Variants in RBFOX1 observed in about 807,000 individuals in gnomAD.
RBFOX1 encodes the protein RNA binding fox-1 homolog 1.
RBFOX1 carries 8 observed loss-of-function variants against 57.7 expected under a neutral mutation model. That is an observed-to-expected ratio of 0.14 (90% CI 0.08 to 0.25). The LOEUF (loss-of-function observed/expected upper bound fraction) is 0.25, where lower values mean the gene tolerates loss of function less well. Ranked by LOEUF, RBFOX1 falls within the 10% of genes least tolerant of loss-of-function variation. RBFOX1 has a pLI of 1.00. For synonymous variants in RBFOX1, 326 were observed against 222.4 expected (o/e 1.47, Z -4.15); for missense variants, 611 against 548.5 (o/e 1.11, Z -1.14).
At chr16:6,807,910 G>GTATATATATA (rs2087295374) in intron 3 of RBFOX1, among the ~76,000 whole-genome samples, 2 of 146,674 alleles carry the variant, frequency 1.4e-5, no homozygotes, top group African/African-American at 5.3e-5. Context: ...GTGTGTGTGT[G>GTATATATATA]TGTGTATATA....
At chr16:6,614,227 T>A (rs1304304925) in intron 2 of RBFOX1, among the ~76,000 whole-genome samples, 2 of 152,214 alleles carry the variant, frequency 1.3e-5, no homozygotes, top group African/African-American at 2.4e-5. Flanking sequence ...TCATACTGCC[T>A]GCTGCAAGTA....
At chr16:6,411,989 G>T (rs1477653576) in intron 2 of RBFOX1, among the ~76,000 whole-genome samples, 3 of 152,024 alleles carry the variant, frequency 2.0e-5, no homozygotes, top group African/African-American at 7.2e-5. Context: ...AAAATTAGCT[G>T]GGTGTAGTGG....
At chr16:5,276,398 C>G (rs2151136158) in intron 1 of RBFOX1, among the ~76,000 whole-genome samples, 2 of 152,260 alleles carry the variant, frequency 1.3e-5, no homozygotes, top group Middle Eastern at 3.4e-3. Flanking sequence ...AGAAGATACA[C>G]AAATGGCCAA....
intron 4 of RBFOX1, among the ~76,000 whole-genome samples, chr16:7,517,943 G>C (rs1408385272): frequency 2.0e-5 from 3 of 152,034 alleles, no homozygotes; most frequent in Non-Finnish European, 2.9e-5. Context: ...TTCTGCATCT[G>C]TAAAATGGGG....
intron 1 of RBFOX1, among the ~76,000 whole-genome samples, chr16:5,420,218 C>G (rs920417372): frequency 1.3e-5 from 2 of 152,274 alleles, no homozygotes; most frequent in South Asian, 2.1e-4. Context: ...TAGATTTAAA[C>G]AAACAAGGTG....
intron 3 of RBFOX1, among the ~76,000 whole-genome samples, chr16:6,825,367 A>C (rs1603629347): frequency 6.6e-6 from 1 of 151,990 alleles, no homozygotes; most frequent in South Asian, 2.1e-4. Flanking sequence ...AGATATTTTT[A>C]AATACACACT....
intron 3 of RBFOX1, among the ~76,000 whole-genome samples, chr16:5,694,673 A>G (rs1330778524): frequency 1.3e-5 from 2 of 151,936 alleles, no homozygotes; most frequent in Non-Finnish European, 2.9e-5. Context: ...GTTTCAAATG[A>G]TACCTCTTAG....
chr16:7,031,118 A>G (rs1164054604), intron 3 of RBFOX1, among the ~76,000 whole-genome samples: 1 of 152,172 alleles, frequency 6.6e-6, no homozygotes, highest in African/African-American at 2.4e-5. Context: ...GGTGGAGAGG[A>G]AGCAACTGCA....
chr16:7,196,356 C>G (rs1165131848), intron 4 of RBFOX1, among the ~76,000 whole-genome samples: 2 of 152,184 alleles, frequency 1.3e-5, no homozygotes, highest in African/African-American at 2.4e-5. Context: ...CCTACCCACC[C>G]TGCTTCACTC....
At chr16:6,528,515 G>A (rs2096613086) in intron 2 of RBFOX1, among the ~76,000 whole-genome samples, 1 of 152,214 alleles carries the variant, frequency 6.6e-6, no homozygotes, top group Admixed American at 6.5e-5. Flanking sequence ...GAACAGCTGG[G>A]CAAAGGAGGT....
intron 1 of RBFOX1, among the ~76,000 whole-genome samples, chr16:5,407,291 C>T (rs934231010): frequency 2.6e-5 from 4 of 152,138 alleles, no homozygotes; most frequent in African/African-American, 7.2e-5. Flanking sequence ...CTGAGGATTA[C>T]AATTCAAGAT....
At chr16:6,234,955 T>G (rs1230811320) in intron 1 of RBFOX1, among the ~76,000 whole-genome samples, 2 of 152,190 alleles carry the variant, frequency 1.3e-5, no homozygotes, top group Non-Finnish European at 2.9e-5. Context: ...GGGTAAATTG[T>G]GCATAGGAGG....
chr16:6,893,285 A>C (rs1056881030), intron 3 of RBFOX1, among the ~76,000 whole-genome samples: 46 of 152,298 alleles, frequency 3.0e-4, no homozygotes, highest in African/African-American at 1.1e-3. Context: ...TTCTTGTCTT[A>C]GATTACTGGG....
intron 3 of RBFOX1, among the ~76,000 whole-genome samples, chr16:6,826,324 G>A (rs56071220): frequency 1.3e-5 from 2 of 152,226 alleles, no homozygotes; most frequent in Admixed American, 6.5e-5. Context: ...ACCAGCCTAG[G>A]CAACATGGGG....
intron 2 of RBFOX1, among the ~76,000 whole-genome samples, chr16:6,323,976 T>C (rs963823093): frequency 4.6e-5 from 7 of 152,188 alleles, no homozygotes; most frequent in African/African-American, 1.4e-4. Flanking sequence ...TTTTGCCATG[T>C]TGGCCAGCCT....
chr16:5,792,166 G>C (rs2054724483), intron 3 of RBFOX1, among the ~76,000 whole-genome samples: 1 of 152,226 alleles, frequency 6.6e-6, no homozygotes, highest in Non-Finnish European at 1.5e-5. Context: ...TGATAAAAGA[G>C]AACCTGGGAC....
chr16:6,178,543 T>G (rs1202355541), intron 1 of RBFOX1, among the ~76,000 whole-genome samples: 1 of 152,168 alleles, frequency 6.6e-6, no homozygotes, highest in African/African-American at 2.4e-5. Context: ...GTGTTTAGAA[T>G]TCCCATCACT....
Position 6,977,476 on chromosome 16 carries a change from A to C in RBFOX1, c.-15-74581A>C, listed in dbSNP as rs149840251. On this transcript the variant is annotated intron_variant, in intron 3 of 15. Coordinates refer to ENST00000550418, the MANE Select transcript of RBFOX1 (RefSeq NM_018723.4). ...GAGGCCAGGAATGCCTGACTTCCTG[A>C]GAATGCAGCCCAGCAAGTCCCAGCC... Among the ~76,000 whole-genome samples the C allele has an allele frequency of 4.1e-3, 631 of 152,142 alleles. 10 individuals are homozygous for C. The highest frequency in any genetic ancestry group is 0.015 in the African/African-American group (605 of 41,516).
chr16:7,200,925 G>A (rs55767671), intron 4 of RBFOX1, among the ~76,000 whole-genome samples: 14,940 of 152,216 alleles, frequency 0.098, 798 homozygotes, highest in Non-Finnish European at 0.11. Context: ...AAAAGTGAAT[G>A]AGGCAAGAAG....
Sources: gnomAD v4.1 joint callset for allele counts (sites outside exome capture counted in the v4.1 genomes callset) on GRCh38, gnomAD v4.1.1 for gene constraint, MANE v1.5 for transcripts, NCBI Gene and HGNC (gene_info 2026-07-23, HGNC 2026-07-21) for gene names.